Variants in COL13A1 observed in about 807,000 individuals in gnomAD.
COL13A1 encodes collagen alpha-1(XIII) chain.
Under a neutral mutation model 130.9 loss-of-function variants are expected in COL13A1, and 89 were observed. That is an observed-to-expected ratio of 0.68 (90% CI 0.57 to 0.81). COL13A1 has a LOEUF of 0.81. COL13A1 is among the 30% of genes least tolerant of loss of function. COL13A1 has a pLI of 0.00. For missense variants in COL13A1, 879 were observed against 934.6 expected (o/e 0.94, Z 0.78); for synonymous variants, 402 against 341.6 (o/e 1.18, Z -1.95).
At chr10:69,807,585 C>T (rs1319889465) in intron 1 of COL13A1, among the ~76,000 whole-genome samples, 1 of 152,048 alleles carries the variant, frequency 6.6e-6, no homozygotes, top group South Asian at 2.1e-4. Context: ...TGGATGGGGT[C>T]CTTTAGGACT....
intron 2 of COL13A1, among the ~76,000 whole-genome samples, chr10:69,846,944 A>G (rs1853306856): frequency 6.6e-6 from 1 of 152,212 alleles, no homozygotes; most frequent in Non-Finnish European, 1.5e-5. Context: ...AGCGGGAGCC[A>G]CGGCCCTCAT....
intron 16 of COL13A1, 21 bp from the exon 17 acceptor site, chr10:69,905,766 G>A: frequency 6.2e-7 from 1 of 1,612,798 alleles, no homozygotes; most frequent in Non-Finnish European, 8.5e-7. Context: ...CTCTTTAATG[G>A]CCTTCTCTTT....
chr10:69,954,742 A>G (rs980711205), intron 39 of COL13A1, among the ~76,000 whole-genome samples: 1 of 152,104 alleles, frequency 6.6e-6, no homozygotes, highest in Non-Finnish European at 1.5e-5. Context: ...ATCTCCAAAG[A>G]CATTACCAGA....
At chr10:69,853,017 C>CT (rs1554898567) in intron 2 of COL13A1, among the ~76,000 whole-genome samples, 1 of 151,254 alleles carries the variant, frequency 6.6e-6, no homozygotes, top group African/African-American at 2.4e-5. Context: ...GGCGGGGGAG[C>CT]GGGGGGAGGT....
chr10:69,875,593 G>A (rs1400650980), intron 5 of COL13A1, among the ~76,000 whole-genome samples: 1 of 152,212 alleles, frequency 6.6e-6, no homozygotes, highest in African/African-American at 2.4e-5. Context: ...CTTCTCTGTA[G>A]ACAGAGATGC....
intron 35 of COL13A1, among the ~76,000 whole-genome samples, chr10:69,943,003 A>G (rs535226599): frequency 6.6e-6 from 1 of 152,254 alleles, no homozygotes; most frequent in South Asian, 2.1e-4. Context: ...ACCCACCACC[A>G]TGCCGGACTA....
intron 37 of COL13A1, 86 bp from the exon 38 acceptor site, chr10:69,947,219 GGA>G: frequency 8.5e-7 from 1 of 1,175,316 alleles, no homozygotes; most frequent in Non-Finnish European, 1.3e-6. Flanking sequence ...TGAGGCATTG[GGA>G]GAGTTTGATG....
At chr10:69,827,363 G>T (rs1204554489) in intron 2 of COL13A1, among the ~76,000 whole-genome samples, 1 of 152,294 alleles carries the variant, frequency 6.6e-6, no homozygotes, top group South Asian at 2.1e-4. Flanking sequence ...TGATTGGGGG[G>T]CTGTGCTGAG....
chr10:69,947,261 C>T, intron 37 of COL13A1, 46 bp from the exon 38 acceptor site: 1 of 1,586,122 alleles, frequency 6.3e-7, no homozygotes, highest in Non-Finnish European at 8.7e-7. Flanking sequence ...TACAGCTGGC[C>T]TGTGTGTCCT....
intron 2 of COL13A1, among the ~76,000 whole-genome samples, chr10:69,835,307 C>T (rs183623522): frequency 3.4e-4 from 52 of 152,214 alleles, no homozygotes; most frequent in Admixed American, 2.8e-3. Context: ...GAAGAGCCCG[C>T]GACCTCTGCT....
intron 32 of COL13A1, 75 bp from the exon 33 acceptor site, chr10:69,936,681 G>T: frequency 6.4e-7 from 1 of 1,572,774 alleles, no homozygotes; most frequent in South Asian, 1.1e-5. Flanking sequence ...GTTCTTCTGT[G>T]ATCCATTTGT....
rs964862292 is a variant in COL13A1 at position 69,821,525 on chromosome 10, C to T, written c.295-844C>T. Among the ~76,000 whole-genome samples, 7 of 152,236 alleles carry T rather than the reference C, an allele frequency of 4.6e-5. No individual in the cohort carries two copies. The South Asian group carries it at 6.2e-4, about 13-fold the overall frequency. The stretch of plus-strand genomic sequence containing the variant: ...TTCTATGCATTAATCTTTCTAACTT[C>T]GCAGTAATCCAATGAAGTGAGGACT... On this transcript the variant is annotated intron_variant, in intron 1 of 40. Transcript: ENST00000645393.
At chr10:69,877,697 TCTCACA>T (rs1453437907) in intron 5 of COL13A1, 226 of 99,852 alleles carry the variant, frequency 2.3e-3, no homozygotes, top group African/African-American at 6.6e-3. Context: ...TCTCTCTCTC[TCTCACA>T]CACACACACA....
At chr10:69,873,410 A>G (rs1245732128) in intron 4 of COL13A1, among the ~76,000 whole-genome samples, 1 of 152,144 alleles carries the variant, frequency 6.6e-6, no homozygotes, top group Non-Finnish European at 1.5e-5. Context: ...CATGAAATCC[A>G]AGGAGGGGAA....
At chr10:69,871,103 G>C (rs2059024225) in intron 3 of COL13A1, among the ~76,000 whole-genome samples, 1 of 152,066 alleles carries the variant, frequency 6.6e-6, no homozygotes, top group African/African-American at 2.4e-5. Flanking sequence ...CCTGGGATGG[G>C]AGGTCACTAC....
At chr10:69,824,175 A>C (rs1338290970) in intron 2 of COL13A1, 1 of 472,122 alleles carries the variant, frequency 2.1e-6, no homozygotes, top group East Asian at 7.0e-5. Context: ...AGACACCAGC[A>C]AGGTAGAGAT....
chr10:69,926,730 G>C (rs1015764619), intron 26 of COL13A1, among the ~76,000 whole-genome samples: 2 of 152,230 alleles, frequency 1.3e-5, no homozygotes, highest in Non-Finnish European at 2.9e-5. Flanking sequence ...AAGAACAAGG[G>C]AGGGTCCTCA....
At chr10:69,839,094 C>A (rs1488336136) in intron 2 of COL13A1, among the ~76,000 whole-genome samples, 6 of 152,218 alleles carry the variant, frequency 3.9e-5, no homozygotes, top group Non-Finnish European at 8.8e-5. Flanking sequence ...TTATATCCTG[C>A]AATCTGGATG....
chr10:69,802,459 C>G lies in COL13A1; in HGVS notation c.36C>G (p.Thr12=), dbSNP rs1306760768. 7.3e-6 allele frequency: 11 copies of G among 1,504,848 alleles called. No individual in the cohort carries two copies. Among genetic ancestry groups the G allele is most frequent in the Non-Finnish European group, 9.7e-6 (11 of 1,132,388 alleles). 93.2% of individuals were successfully genotyped at this position (1,504,848 alleles called of 1,614,324 possible). The change falls in exon 1 of 41, where the codon ACC becomes ACG. Residue 12 remains threonine (T), a synonymous_variant. Coordinates refer to ENST00000645393, the MANE Select transcript of COL13A1 (RefSeq NM_001368882.1). ...VAERTHKAAA[T]GARGPGELGA... ...AGCGCACCCACAAAGCGGCAGCCAC[C>G]GGTGCCCGCGGCCCTGGGGAGTTGG...
Sources: gnomAD v4.1 joint callset for allele counts (sites outside exome capture counted in the v4.1 genomes callset) on GRCh38, gnomAD v4.1.1 for gene constraint, MANE v1.5 for transcripts, NCBI Gene and HGNC (gene_info 2026-07-23, HGNC 2026-07-21) for gene names.